Variants in TNS3 observed in about 807,000 individuals in gnomAD.
TNS3 encodes the protein tensin-3.
TNS3 carries 45 observed loss-of-function variants against 140.9 expected under a neutral mutation model. The ratio of observed to expected loss-of-function variants is 0.32; its 90% CI spans 0.25 to 0.41. The LOEUF is 0.41. Ranked by LOEUF, TNS3 falls within the 10% of genes least tolerant of loss-of-function variation. The pLI, the probability that TNS3 is intolerant of heterozygous loss-of-function variation, is 1.00. For synonymous variants in TNS3, 815 were observed against 788.4 expected (o/e 1.03, Z -0.56); for missense variants, 1,716 against 1,906.7 (o/e 0.90, Z 1.86).
chr7:47,517,093 G>A (rs546688267), intron 2 of TNS3, among the ~76,000 whole-genome samples: 2 of 152,254 alleles, frequency 1.3e-5, no homozygotes, highest in Admixed American at 1.3e-4. Context: ...TCTAGCTCAT[G>A]TGTTGTATCC....
At chr7:47,311,399 A>AGTGTGTGTGTGTGTGT (rs10617598) in intron 20 of TNS3, among the ~76,000 whole-genome samples, 1 of 147,324 alleles carries the variant, frequency 6.8e-6, no homozygotes, top group African/African-American at 2.5e-5. Flanking sequence ...GAACTTAAAG[A>AGTGTGTGTGTGTGTGT]GTGTGTGTGT....
chr7:47,381,246 C>T (rs1458604505), intron 16 of TNS3, among the ~76,000 whole-genome samples: 1 of 152,234 alleles, frequency 6.6e-6, no homozygotes, highest in Non-Finnish European at 1.5e-5. Flanking sequence ...AAATCTTTGC[C>T]ACACATGCTC....
At chr7:47,569,671 T>C (rs1173449061) in intron 1 of TNS3, among the ~76,000 whole-genome samples, 1 of 151,466 alleles carries the variant, frequency 6.6e-6, no homozygotes, top group Non-Finnish European at 1.5e-5. Flanking sequence ...TTGGCCAACA[T>C]GGGGAAACCT....
intron 20 of TNS3, among the ~76,000 whole-genome samples, chr7:47,334,907 A>G (rs2150938982): frequency 6.6e-6 from 1 of 152,302 alleles, no homozygotes; most frequent in East Asian, 1.9e-4. Flanking sequence ...GCGCCTGGCG[A>G]GAACCACGAC....
At chr7:47,350,944 T>C (rs1050925962) in intron 17 of TNS3, among the ~76,000 whole-genome samples, 2 of 152,258 alleles carry the variant, frequency 1.3e-5, no homozygotes, top group African/African-American at 4.8e-5. Flanking sequence ...GTTTCATTTT[T>C]ATTTTAAAAA....
chr7:47,452,216 C>T (rs1440755041), intron 4 of TNS3, among the ~76,000 whole-genome samples: 1 of 152,178 alleles, frequency 6.6e-6, no homozygotes, highest in African/African-American at 2.4e-5. Flanking sequence ...ATCACAAAAC[C>T]AGCTGTGACC....
chr7:47,416,821 T>G (rs926273808), intron 10 of TNS3, among the ~76,000 whole-genome samples: 2 of 152,220 alleles, frequency 1.3e-5, no homozygotes, highest in African/African-American at 4.8e-5. Context: ...GTCCTTTGGC[T>G]CCCTGGTTTT....
intron 6 of TNS3, 89 bp from the exon 7 acceptor site, chr7:47,437,402 T>C: frequency 1.9e-6 from 1 of 518,144 alleles, no homozygotes; most frequent in South Asian, 7.1e-5. Context: ...TTTTAATTAA[T>C]ACTAATTTTT....
chr7:47,499,197 A>G (rs1798123417), intron 3 of TNS3, among the ~76,000 whole-genome samples: 1 of 152,252 alleles, frequency 6.6e-6, no homozygotes. Flanking sequence ...CAGTGGGGCC[A>G]CTTCCCAGAC....
chr7:47,418,374 A>C (rs551968576), intron 10 of TNS3, among the ~76,000 whole-genome samples: 19 of 152,212 alleles, frequency 1.2e-4, no homozygotes, highest in African/African-American at 4.6e-4. Context: ...CCAGCTGACT[A>C]TGGAAAGGAT....
At chr7:47,452,091 A>G (rs1025453230) in intron 4 of TNS3, among the ~76,000 whole-genome samples, 3 of 152,268 alleles carry the variant, frequency 2.0e-5, no homozygotes, top group Non-Finnish European at 4.4e-5. Flanking sequence ...GTGCCTGGCC[A>G]GTAATAAGTG....
intron 17 of TNS3, among the ~76,000 whole-genome samples, chr7:47,347,072 C>T (rs902281482): frequency 6.6e-6 from 1 of 152,130 alleles, no homozygotes; most frequent in Non-Finnish European, 1.5e-5. Flanking sequence ...TTAGGAAAAA[C>T]CTGCTGCCGG....
chr7:47,447,724 C>T (rs532021105), intron 4 of TNS3, among the ~76,000 whole-genome samples: 2 of 152,318 alleles, frequency 1.3e-5, no homozygotes, highest in East Asian at 1.9e-4. Flanking sequence ...ACACCCTAGG[C>T]TTCACCCTAA....
At chr7:47,347,659 C>A (rs1002668287) in intron 17 of TNS3, among the ~76,000 whole-genome samples, 4 of 152,034 alleles carry the variant, frequency 2.6e-5, no homozygotes, top group Admixed American at 2.6e-4. Flanking sequence ...CAACAGCGAC[C>A]AAGCAAGGGA....
intron 20 of TNS3, among the ~76,000 whole-genome samples, chr7:47,335,363 CCA>C (rs1285768563): frequency 6.6e-6 from 1 of 152,234 alleles, no homozygotes; most frequent in Non-Finnish European, 1.5e-5. Flanking sequence ...GCTCCTGTCC[CCA>C]GTCCTTCATG....
intron 1 of TNS3, among the ~76,000 whole-genome samples, chr7:47,572,508 AAAAGCACAGT>A (rs530762977): frequency 6.6e-5 from 10 of 152,140 alleles, no homozygotes; most frequent in Middle Eastern, 3.2e-3. Flanking sequence ...AAAATGCCTT[AAAAGCACAGT>A]ATGCTCTCGA....
At chr7:47,483,886 G>A (rs1358103359) in intron 3 of TNS3, among the ~76,000 whole-genome samples, 2 of 152,370 alleles carry the variant, frequency 1.3e-5, no homozygotes, top group East Asian at 3.9e-4. Flanking sequence ...CATTTTCACT[G>A]ACAGCCTTCT....
chr7:47,424,296 G>C (rs1294424367), intron 9 of TNS3, 112 bp from the exon 10 acceptor site: 1 of 979,442 alleles, frequency 1.0e-6, no homozygotes, highest in African/African-American at 1.6e-5. Context: ...CCCACAAGGG[G>C]CTTCACCCTT....
chr7:47,437,753 C>CAT (rs1795256761), intron 6 of TNS3, among the ~76,000 whole-genome samples: 3 of 69,100 alleles, frequency 4.3e-5, no homozygotes, highest in African/African-American at 1.4e-4. Context: ...GATACACACA[C>CAT]ACACACACAC....
Sources: allele counts gnomAD v4.1 joint callset (sites outside exome capture counted in the v4.1 genomes callset), GRCh38; gene constraint gnomAD v4.1.1; transcripts MANE v1.5; gene names NCBI Gene and HGNC (gene_info 2026-07-23, HGNC 2026-07-21).